Variants in LIPG observed in about 807,000 individuals in gnomAD.
LIPG encodes the protein endothelial lipase.
LIPG carries 34 observed loss-of-function variants against 51.8 expected under a neutral mutation model. The ratio of observed to expected loss-of-function variants is 0.66; its 90% CI spans 0.50 to 0.87. LIPG has a LOEUF of 0.87. LIPG is among the 40% of genes least tolerant of loss of function. The probability of loss-of-function intolerance (pLI) is 0.00; values close to 1 mark genes in which losing one functional copy is unlikely to be tolerated. For synonymous variants in LIPG, 246 were observed against 246.1 expected, an observed-to-expected ratio of 1.00 and a Z score of 0.00; for missense variants, 580 against 652.7, an observed-to-expected ratio of 0.89 and a Z score of 1.21.
chr18:49,586,928 T>C lies in LIPG; in HGVS notation c.1481+78T>C, dbSNP rs2084886553. ...TCCTAGCATGTGCTGGGGATGGATC[T>C]GGGTGCCAGGGACATAGCATGAACA... is the stretch of plus-strand genomic sequence containing the variant. On this transcript the variant is annotated intron_variant, in intron 9 of 9. Transcript: ENST00000261292. 2.9e-5 allele frequency: 31 copies of C among 1,071,854 alleles called. No individual in the cohort carries two copies. The South Asian group carries it at 3.9e-4, about 14-fold the overall frequency. 66.4% of individuals were successfully genotyped at this position (1,071,854 alleles called of 1,614,324 possible).
At chr18:49,590,389 AG>A (rs1016156592) in intron 9 of LIPG, 111 bp from the exon 10 acceptor site, 1 of 1,079,514 alleles carries the variant, frequency 9.3e-7, no homozygotes, top group African/African-American at 1.6e-5. Flanking sequence ...ATAGTCCCAT[AG>A]GGGTGTCAGA....
chr18:49,565,418 T>G lies in LIPG; in HGVS notation c.199T>G (p.Ser67Ala). The G allele has an allele frequency of 6.2e-7, 1 of 1,614,200 alleles. No homozygotes were observed. The highest frequency in any genetic ancestry group is 8.5e-7 in the Non-Finnish European group (1 of 1,180,034). ...CCCAGAGCATGAAGGATGCTACCTC[T>G]CCGTCGGCCACAGCCAGCCCTTAGA... ...KDPEHEGCYL[S>A]VGHSQPLEDC... The change falls in exon 2 of 10, where the codon TCC becomes GCC. Residue 67 changes from serine (S) to alanine (A), a missense_variant. Ser to Ala is a moderately conservative substitution (Grantham distance 99). Transcript: ENST00000261292.
In LIPG at chr18:49,577,629, G is replaced by A. The variant is rs1321142980; in HGVS notation, c.793+2039G>A. Among the ~76,000 whole-genome samples the A allele has an allele frequency of 1.0e-4, 15 of 143,806 alleles. 1 individual carries two copies. The highest frequency in any genetic ancestry group is 3.0e-4 in the African/African-American group (11 of 37,020). The allele number at this position is 143,806 out of a possible 152,430, so 94.3% of individuals were successfully genotyped here. A position where few individuals can be genotyped will look rare whatever the true frequency, so the allele number is the denominator to read the frequency against. Reference sequence around the variant, plus strand: ...GCACCCCTCACCTCCCGGACGGGGCGGCTGGCCGGGCAGGGGGCTGACCCC... The same window carrying A: ...GCACCCCTCACCTCCCGGACGGGGCAGCTGGCCGGGCAGGGGGCTGACCCC... On this transcript the variant is annotated intron_variant, in intron 5 of 9. Transcript: ENST00000261292.
intron 1 of LIPG, among the ~76,000 whole-genome samples, 177 bp from the exon 2 acceptor site, chr18:49,565,140 C>A (rs188402854): frequency 6.6e-6 from 1 of 152,236 alleles, no homozygotes; most frequent in Non-Finnish European, 1.5e-5. Context: ...ATGAGATGTC[C>A]TTTTTTATAA....
chr18:49,590,580 T>C lies in LIPG; in HGVS notation c.*58T>C. 2 of 1,544,800 alleles carry C rather than the reference T, an allele frequency of 1.3e-6. No individual in the cohort carries two copies. The highest frequency in any genetic ancestry group is 8.8e-7 in the Non-Finnish European group (1 of 1,134,688). Reference sequence around the variant, plus strand: ...CAAGACTTCCTGCTATCCAAGCCCATGGAGGAAAGTTACTGCTGAGGACCC... The same window carrying C: ...CAAGACTTCCTGCTATCCAAGCCCACGGAGGAAAGTTACTGCTGAGGACCC... On this transcript the variant is annotated 3_prime_UTR_variant, in exon 10 of 10. Coordinates refer to ENST00000261292, the MANE Select transcript of LIPG (RefSeq NM_006033.4).
At chr18:49,584,546 T>TG (rs1276465092) in intron 8 of LIPG, among the ~76,000 whole-genome samples, 2 of 152,226 alleles carry the variant, frequency 1.3e-5, no homozygotes, top group Non-Finnish European at 2.9e-5. Context: ...AGCCTTGGCA[T>TG]GGGAGGAGGC....
At chr18:49,568,615 A>G (rs1322996579) in intron 3 of LIPG, among the ~76,000 whole-genome samples, 1 of 150,102 alleles carries the variant, frequency 6.7e-6, no homozygotes, top group East Asian at 2.0e-4. Flanking sequence ...TCCTGACCTC[A>G]GGTGATCTGC....
At position 49,583,575 on chromosome 18, in the gene LIPG, A is replaced by G; in HGVS notation, c.1177A>G (p.Asn393Asp). ...PLEIVERIEQ[N>D]ATNTFLVYTE... Reference sequence around the variant, plus strand: ...TTGTAGAGTGGAGCGGATCGAGCAGAATGCCACCAACACCTTCCTGGTCTA... The same window carrying G: ...TTGTAGAGTGGAGCGGATCGAGCAGGATGCCACCAACACCTTCCTGGTCTA... Residue 393 changes from asparagine to aspartate, a missense_variant, in exon 8 of 10, where the codon AAT becomes GAT. Asn to Asp is a conservative substitution (Grantham distance 23). Transcript: ENST00000261292. 1 of 1,614,120 alleles carries G rather than the reference A, an allele frequency of 6.2e-7. No individual in the cohort carries two copies. Among genetic ancestry groups the G allele is most frequent in the Non-Finnish European group, 8.5e-7 (1 of 1,180,024 alleles).
intron 4 of LIPG, among the ~76,000 whole-genome samples, chr18:49,573,445 T>C (rs1486729491): frequency 1.3e-5 from 2 of 152,088 alleles, no homozygotes; most frequent in East Asian, 3.9e-4. Context: ...CTGGGTGCAG[T>C]GGCTTATGCC....
rs189117310 is a variant in LIPG, at chr18:49,598,616, T to G, written c.*8094T>G. On this transcript the variant is annotated 3_prime_UTR_variant, in exon 10 of 10. Coordinates refer to ENST00000261292, the MANE Select transcript of LIPG (RefSeq NM_006033.4). ...CTTCTCACAGCTTTTTATTGACTTA[T>G]AACAGGCACACAATAAACTGCACAC... 6.6e-6 allele frequency: 1 copy of G among 152,422 alleles called. No homozygotes were observed. The highest frequency in any genetic ancestry group is 1.9e-4 in the East Asian group (1 of 5,190). 9.4% of individuals were successfully genotyped at this position (152,422 alleles called of 1,614,324 possible).
chr18:49,561,951 G>A (rs1189239733), upstream of LIPG: 1 of 1,369,672 alleles, frequency 7.3e-7, no homozygotes, highest in Non-Finnish European at 9.4e-7. Context: ...TCAGCAAGGT[G>A]TGACCAATCA....
rs369223581 is a variant in LIPG, at chr18:49,581,470, C to T, written c.849C>T (p.Asp283=). Residue 283 remains aspartate, a synonymous_variant, in exon 6 of 10, where the codon GAC becomes GAT. Coordinates refer to ENST00000261292, the MANE Select transcript of LIPG (RefSeq NM_006033.4). ...AGCGAGCCGTCCACCTCTTTGTTGA[C>T]TCTCTGGTGAATCAGGACAAGCCGA... ...EHERAVHLFV[D]SLVNQDKPSF... The T allele has an allele frequency of 1.2e-6, 2 of 1,614,188 alleles. No individual in the cohort carries two copies. The highest frequency in any genetic ancestry group is 1.7e-5 in the Admixed American group (1 of 60,016).
At position 49,566,100 on chromosome 18, in the gene LIPG, T is replaced by G. The variant is rs147402268; in HGVS notation, c.279+602T>G. Among the ~76,000 whole-genome samples the G allele has an allele frequency of 3.8e-3, 581 of 152,356 alleles. 2 individuals are homozygous for G. The highest frequency in any genetic ancestry group is 0.013 in the African/African-American group (532 of 41,584). On this transcript the variant is annotated intron_variant, in intron 2 of 9. Coordinates refer to ENST00000261292, the MANE Select transcript of LIPG (RefSeq NM_006033.4). ...TTTATTCATTCATATAATGACAGTC[T>G]GTAGGGAAATGGCACTATTAAGTGA...
chr18:49,582,395 GT>G lies in LIPG; in HGVS notation c.1072del (p.Tyr358ThrfsTer29). On this transcript the variant is annotated frameshift_variant, in exon 7 of 10. Coordinates refer to ENST00000261292, the MANE Select transcript of LIPG (RefSeq NM_006033.4). LOFTEE classifies it high-confidence loss of function. Reference protein sequence around the residue: ...YHYQMKIHVFSYKNMGEIEPT... With the variant: ...YHYQMKIHVFXYKNMGEIEPT... ...TATCAGATGAAAATCCATGTCTTCA[GT>G]TACAAGAACATGGGAGAAATTGAGC... The G allele has an allele frequency of 6.2e-7, 1 of 1,614,002 alleles. No individual in the cohort carries two copies. The highest frequency in any genetic ancestry group is 8.5e-7 in the Non-Finnish European group (1 of 1,179,876).
At chr18:49,569,768 G>A (rs906018712) in intron 4 of LIPG, among the ~76,000 whole-genome samples, 1 of 152,224 alleles carries the variant, frequency 6.6e-6, no homozygotes, top group East Asian at 1.9e-4. Flanking sequence ...CAGAAAGGGG[G>A]GTGCTGTGGG....
rs1199690897 is a variant in LIPG, at chr18:49,594,634, T to C, written c.*4112T>C. ...GTAGTCAATTTTTAGTAATCTTAAA[T>C]TGATCTATGACTATGAAGTATAATG... On this transcript the variant is annotated 3_prime_UTR_variant, in exon 10 of 10. Coordinates refer to ENST00000261292, the MANE Select transcript of LIPG (RefSeq NM_006033.4). 1.3e-5 allele frequency: 2 copies of C among 152,256 alleles called. No homozygotes were observed. Among genetic ancestry groups the C allele is most frequent in the East Asian group, 3.8e-4 (2 of 5,200 alleles). 9.4% of individuals were successfully genotyped at this position (152,256 alleles called of 1,614,324 possible).
At chr18:49,587,727 A>C (rs1322769343) in intron 9 of LIPG, among the ~76,000 whole-genome samples, 1 of 151,890 alleles carries the variant, frequency 6.6e-6, no homozygotes, top group Non-Finnish European at 1.5e-5. Context: ...CCCTACTGGC[A>C]TGAGATCTTC....
chr18:49,581,381 C>T (rs1300857821), intron 5 of LIPG, 34 bp from the exon 6 acceptor site: 4 of 1,614,072 alleles, frequency 2.5e-6, no homozygotes, highest in Middle Eastern at 1.7e-4. Context: ...AAGAAGGGCT[C>T]ATCCTGCATG....
intron 8 of LIPG, among the ~76,000 whole-genome samples, chr18:49,584,029 C>G (rs1288680402): frequency 2.0e-5 from 3 of 152,168 alleles, no homozygotes; most frequent in Non-Finnish European, 4.4e-5. Context: ...AGCCCTGGCT[C>G]TGTTTGCCAG....
Sources: allele counts gnomAD v4.1 joint callset (sites outside exome capture counted in the v4.1 genomes callset), GRCh38; gene constraint gnomAD v4.1.1; transcripts MANE v1.5; gene names NCBI Gene and HGNC (gene_info 2026-07-23, HGNC 2026-07-21).